NUBPL: variants seen among roughly 807,000 people sequenced by gnomAD.
NUBPL encodes iron-sulfur cluster transfer protein NUBPL.
NUBPL carries 31 observed loss-of-function variants against 45.7 expected under a neutral mutation model. That is an observed-to-expected ratio of 0.68 (90% CI 0.51 to 0.92). The LOEUF is 0.92. Among genes scored for constraint, NUBPL ranks in the 40% least tolerant of loss-of-function variants. The pLI, the probability that NUBPL is intolerant of heterozygous loss-of-function variation, is 0.00. For missense variants in NUBPL, 401 were observed against 398.7 expected (o/e 1.01, Z -0.05); for synonymous variants, 144 against 140.9 (o/e 1.02, Z -0.15).
At chr14:31,566,078 T>G (rs1034777182) in intron 3 of NUBPL, among the ~76,000 whole-genome samples, 3 of 152,176 alleles carry the variant, frequency 2.0e-5, no homozygotes, top group African/African-American at 7.2e-5. Flanking sequence ...CAGGCAAGAA[T>G]CATTTAATAT....
At chr14:31,679,596 C>G (rs529104659) in intron 6 of NUBPL, among the ~76,000 whole-genome samples, 2 of 152,234 alleles carry the variant, frequency 1.3e-5, no homozygotes, top group Non-Finnish European at 2.9e-5. Flanking sequence ...TCTGGATATG[C>G]AGTTGTGCTC....
At chr14:31,592,707 A>G (rs1448358485) in intron 3 of NUBPL, among the ~76,000 whole-genome samples, 1 of 152,134 alleles carries the variant, frequency 6.6e-6, no homozygotes, top group African/African-American at 2.4e-5. Context: ...AAGGCTTAGT[A>G]GCAAATTTTC....
intron 4 of NUBPL, among the ~76,000 whole-genome samples, chr14:31,622,841 G>A (rs1157816990): frequency 6.6e-6 from 1 of 152,242 alleles, no homozygotes; most frequent in South Asian, 2.1e-4. Flanking sequence ...CAATGCAGAG[G>A]GGGATATGTT....
At chr14:31,588,866 C>T (rs1175114250) in intron 3 of NUBPL, among the ~76,000 whole-genome samples, 1 of 149,362 alleles carries the variant, frequency 6.7e-6, no homozygotes, top group African/African-American at 2.5e-5. Context: ...TTGCAGTGAG[C>T]CAAGATCGTG....
chr14:31,804,731 A>G (rs1475086836), intron 7 of NUBPL, among the ~76,000 whole-genome samples: 1 of 152,198 alleles, frequency 6.6e-6, no homozygotes, highest in African/African-American at 2.4e-5. Context: ...CTGGCTATCC[A>G]TAAGCAGAAG....
intron 3 of NUBPL, among the ~76,000 whole-genome samples, chr14:31,566,052 C>T (rs988610319): frequency 1.3e-5 from 2 of 152,108 alleles, no homozygotes; most frequent in African/African-American, 2.4e-5. Flanking sequence ...CTGCTTCATA[C>T]CTATTTTATA....
intron 8 of NUBPL, among the ~76,000 whole-genome samples, chr14:31,833,644 G>A (rs2040228307): frequency 6.6e-6 from 1 of 152,174 alleles, no homozygotes; most frequent in African/African-American, 2.4e-5. Flanking sequence ...AGATGAACAG[G>A]TGAGCAGAGT....
At chr14:31,737,167 G>A (rs1358952412) in intron 6 of NUBPL, among the ~76,000 whole-genome samples, 1 of 152,022 alleles carries the variant, frequency 6.6e-6, no homozygotes, top group African/African-American at 2.4e-5. Context: ...TTTAGCTCAG[G>A]TTATCAAATT....
At chr14:31,633,415 T>C (rs2035397965) in intron 4 of NUBPL, among the ~76,000 whole-genome samples, 1 of 152,232 alleles carries the variant, frequency 6.6e-6, no homozygotes, top group South Asian at 2.1e-4. Flanking sequence ...CGTAGTTTTA[T>C]AACATTTTAG....
At chr14:31,742,299 A>G (rs935940644) in intron 6 of NUBPL, among the ~76,000 whole-genome samples, 1 of 150,192 alleles carries the variant, frequency 6.7e-6, no homozygotes. Flanking sequence ...TCCCAGGTTC[A>G]TGCCATTAGG....
intron 6 of NUBPL, among the ~76,000 whole-genome samples, chr14:31,757,120 T>C (rs2038684341): frequency 6.6e-6 from 1 of 150,402 alleles, no homozygotes; most frequent in Admixed American, 6.7e-5. Context: ...TTATTGAGGA[T>C]TTTTGCATCA....
intron 7 of NUBPL, among the ~76,000 whole-genome samples, chr14:31,825,861 T>A (rs1446540454): frequency 6.9e-6 from 1 of 144,352 alleles, no homozygotes; most frequent in Non-Finnish European, 1.5e-5. Flanking sequence ...TTTTCTTCCA[T>A]TTTTTTTTTT....
intron 4 of NUBPL, among the ~76,000 whole-genome samples, chr14:31,601,434 G>A (rs999300848): frequency 3.9e-5 from 6 of 152,070 alleles, no homozygotes; most frequent in Non-Finnish European, 1.5e-5. Flanking sequence ...ATTTCACTGA[G>A]CAGTGGTTTG....
chr14:31,675,378 C>T (rs1481567201), intron 6 of NUBPL, among the ~76,000 whole-genome samples: 3 of 152,190 alleles, frequency 2.0e-5, no homozygotes, highest in African/African-American at 7.2e-5. Flanking sequence ...TAATGCTGAT[C>T]ATCAGAGCTA....
intron 4 of NUBPL, among the ~76,000 whole-genome samples, chr14:31,670,829 A>T (rs1353067376): frequency 6.6e-6 from 1 of 152,114 alleles, no homozygotes; most frequent in African/African-American, 2.4e-5. Flanking sequence ...CCATTGGTCC[A>T]TGTGCCTGTT....
chr14:31,774,809 A>C (rs1738741195), intron 6 of NUBPL, among the ~76,000 whole-genome samples: 1 of 152,170 alleles, frequency 6.6e-6, no homozygotes, highest in Admixed American at 6.5e-5. Context: ...CCCGTGATGT[A>C]ATCAATCATG....
At chr14:31,744,446 A>G (rs1402944527) in intron 6 of NUBPL, among the ~76,000 whole-genome samples, 1 of 152,184 alleles carries the variant, frequency 6.6e-6, no homozygotes, top group Non-Finnish European at 1.5e-5. Context: ...AGAACAAAGC[A>G]CTTAATTATG....
chr14:31,816,221 C>G (rs114104535), intron 7 of NUBPL, among the ~76,000 whole-genome samples: 130 of 152,168 alleles, frequency 8.5e-4, no homozygotes, highest in African/African-American at 3.0e-3. Flanking sequence ...ACTTACTGGT[C>G]TATTCAGGGA....
chr14:31,666,341 T>A (rs2036426617), intron 4 of NUBPL, among the ~76,000 whole-genome samples: 1 of 150,864 alleles, frequency 6.6e-6, no homozygotes, highest in Non-Finnish European at 1.5e-5. Flanking sequence ...CTCAGCTCAC[T>A]GCAACCTCCG....
Sources: gnomAD v4.1 joint callset for allele counts (sites outside exome capture counted in the v4.1 genomes callset) on GRCh38, gnomAD v4.1.1 for gene constraint, MANE v1.5 for transcripts, NCBI Gene and HGNC (gene_info 2026-07-23, HGNC 2026-07-21) for gene names.